Variants in SPTBN1 observed in about 807,000 individuals in gnomAD.
The protein encoded by SPTBN1 is spectrin beta chain, non-erythrocytic 1.
In SPTBN1, 32 loss-of-function variants were observed where a neutral mutation model predicts 266.4. The ratio of observed to expected loss-of-function variants is 0.12; its 90% confidence interval spans 0.09 to 0.16. SPTBN1 has a LOEUF of 0.16. Ranked by LOEUF, SPTBN1 falls within the 10% of genes least tolerant of loss-of-function variation. The pLI is 1.00. For synonymous variants in SPTBN1, 1,336 were observed against 1,162.2 expected, an observed-to-expected ratio of 1.15 and a Z score of -3.04; for missense variants, 2,296 against 3,067.1, an observed-to-expected ratio of 0.75 and a Z score of 5.94.
At chr2:54,507,156 A>G (rs1435207071) in intron 1 of SPTBN1, among the ~76,000 whole-genome samples, 1 of 152,154 alleles carries the variant, frequency 6.6e-6, no homozygotes, top group Non-Finnish European at 1.5e-5. Flanking sequence ...TGGGGCAGGA[A>G]CAAATCACAA....
Position 54,646,279 on chromosome 2 carries a change from G to A in SPTBN1, c.4670G>A (p.Ser1557Asn), listed in dbSNP as rs760913468. The A allele has an allele frequency of 1.9e-6, 3 of 1,614,186 alleles. No homozygotes were observed. In the East Asian group the frequency reaches 6.7e-5, roughly 36 times the overall value. Residue 1557 changes from serine to asparagine, a missense_variant, in exon 23 of 36, where the codon AGC becomes AAC. This residue lies in a region of SPTBN1 where 644 missense variants were observed against 745.3 expected (regional missense o/e 0.86). Transcript: ENST00000356805. The surrounding 1 kb of genome is among the most constrained non-coding windows in gnomAD (Gnocchi z 4.4). The part of the protein sequence containing the change: ...RSQNIVTDSS[S>N]LSAEAIRQRL... ...CAAAACATCGTCACTGACAGCAGCA[G>A]CCTCAGCGCTGAGGCCATCAGACAG...
chr2:54,491,317 G>A (rs923584223), intron 1 of SPTBN1, among the ~76,000 whole-genome samples: 1 of 152,086 alleles, frequency 6.6e-6, no homozygotes, highest in Non-Finnish European at 1.5e-5. Flanking sequence ...AGGATTGAAG[G>A]TCACATTTTC....
chr2:54,484,388 A>G (rs41426349), intron 1 of SPTBN1, among the ~76,000 whole-genome samples: 20,084 of 152,146 alleles, frequency 0.13, 1,462 homozygotes, highest in Middle Eastern at 0.22. Flanking sequence ...TTGTCAGTAA[A>G]TTTTAGACTT....
chr2:54,587,248 T>C (rs1427841820), intron 2 of SPTBN1, among the ~76,000 whole-genome samples: 2 of 152,362 alleles, frequency 1.3e-5, no homozygotes, highest in East Asian at 1.9e-4. Flanking sequence ...GGTGAATTTG[T>C]GTGCCACATG....
At chr2:54,594,231 T>C (rs946861034) in intron 2 of SPTBN1, among the ~76,000 whole-genome samples, 2 of 133,682 alleles carry the variant, frequency 1.5e-5, no homozygotes, top group African/African-American at 3.6e-5. Context: ...TCCTGCCTCA[T>C]GGGGCAGTTG....
At chr2:54,477,305 A>G (rs1667883497) in intron 1 of SPTBN1, among the ~76,000 whole-genome samples, 1 of 152,176 alleles carries the variant, frequency 6.6e-6, no homozygotes, top group South Asian at 2.1e-4. Context: ...AAGAAGGAGC[A>G]GCCTCCCCAA....
At chr2:54,486,769 A>G (rs927599338) in intron 1 of SPTBN1, among the ~76,000 whole-genome samples, 5 of 152,162 alleles carry the variant, frequency 3.3e-5, no homozygotes, top group Non-Finnish European at 7.4e-5. Flanking sequence ...AGTTCTAACC[A>G]TAGAAGAAGC....
chr2:54,519,418 G>A (rs549448227), intron 1 of SPTBN1, among the ~76,000 whole-genome samples: 114 of 152,306 alleles, frequency 7.5e-4, no homozygotes, highest in Non-Finnish European at 1.4e-3. Context: ...CAGACCAGGT[G>A]GTGGTGGTGG....
intron 2 of SPTBN1, among the ~76,000 whole-genome samples, chr2:54,562,200 T>A (rs959262988): frequency 2.0e-5 from 3 of 152,018 alleles, no homozygotes; most frequent in African/African-American, 7.3e-5. Flanking sequence ...GTAACAGAGG[T>A]GCAGGTTCAT....
intron 2 of SPTBN1, among the ~76,000 whole-genome samples, chr2:54,563,766 G>A (rs926066125): frequency 6.6e-6 from 1 of 151,730 alleles, no homozygotes; most frequent in Non-Finnish European, 1.5e-5. Flanking sequence ...ACCACGCCCG[G>A]CTAATTTTTG....
At position 54,617,623 on chromosome 2, in the gene SPTBN1, C is replaced by T. The variant is rs755354534; in HGVS notation, c.582C>T (p.Asn194=). 3.1e-6 allele frequency: 5 copies of T among 1,613,986 alleles called. No homozygotes were observed. The highest frequency in any genetic ancestry group is 4.2e-6 in the Non-Finnish European group (5 of 1,179,982). ...TCCTTGGCAGGTACCCCAATGTCAA[C>T]ATTCACAATTTCACCACTAGCTGGA... ...QMKTAGYPNV[N]IHNFTTSWRD... Residue 194 remains asparagine (N), a synonymous_variant, in exon 6 of 36, where the codon AAC becomes AAT. Transcript: ENST00000356805.
chr2:54,500,916 A>C (rs111688758), intron 1 of SPTBN1, among the ~76,000 whole-genome samples: 3,005 of 152,310 alleles, frequency 0.02, 108 homozygotes, highest in African/African-American at 0.067. Context: ...CACAGGTGAC[A>C]GTGATGTGCA....
intron 2 of SPTBN1, among the ~76,000 whole-genome samples, chr2:54,570,108 G>GC (rs1299643195): frequency 1.3e-5 from 2 of 152,162 alleles, no homozygotes; most frequent in Admixed American, 6.5e-5. Flanking sequence ...CAGCCAGCGA[G>GC]CATCCAGCAC....
Position 54,668,592 on chromosome 2 carries a change from C to T in SPTBN1, c.*23C>T. On this transcript the variant is annotated 3_prime_UTR_variant, in exon 36 of 36. Coordinates refer to ENST00000356805, the MANE Select transcript of SPTBN1 (RefSeq NM_003128.3). The stretch of plus-strand genomic sequence containing the variant: ...TGAACTCCTTTCCTTCACCTCCTGC[C>T]CTTCTCTTACCTTTTCAGTGAAATT... 1 of 1,573,276 alleles carries T rather than the reference C, an allele frequency of 6.4e-7. No individual in the cohort carries two copies. The highest frequency in any genetic ancestry group is 8.6e-7 in the Non-Finnish European group (1 of 1,157,576).
intron 1 of SPTBN1, among the ~76,000 whole-genome samples, chr2:54,476,427 C>G (rs1667837392): frequency 6.6e-6 from 1 of 152,124 alleles, no homozygotes; most frequent in Non-Finnish European, 1.5e-5. Flanking sequence ...ACCAGTTTTG[C>G]AGTATGTTCA....
At chr2:54,523,353 G>A (rs1558803417) in intron 1 of SPTBN1, among the ~76,000 whole-genome samples, 1 of 152,166 alleles carries the variant, frequency 6.6e-6, no homozygotes. Context: ...CTTCCATTCA[G>A]GATTTTTCTA....
At chr2:54,505,428 A>T (rs1405456692) in intron 1 of SPTBN1, among the ~76,000 whole-genome samples, 1 of 152,186 alleles carries the variant, frequency 6.6e-6, no homozygotes, top group Admixed American at 6.5e-5. Flanking sequence ...AACAACAACA[A>T]ATCGAATACC....
At chr2:54,659,093 C>A (rs1680865087) in intron 30 of SPTBN1, 61 bp from the exon 31 acceptor site, 1 of 1,587,242 alleles carries the variant, frequency 6.3e-7, no homozygotes, top group South Asian at 1.1e-5. Flanking sequence ...GTTCCTAGAA[C>A]CTTTTTCTGA....
intron 1 of SPTBN1, among the ~76,000 whole-genome samples, chr2:54,526,097 G>A (rs1223462935): frequency 6.6e-6 from 1 of 152,186 alleles, no homozygotes; most frequent in Non-Finnish European, 1.5e-5. Flanking sequence ...CACCATTTTG[G>A]GGGTATCCAT....
Sources: allele counts gnomAD v4.1 joint callset (sites outside exome capture counted in the v4.1 genomes callset), GRCh38; gene constraint gnomAD v4.1.1; regional missense constraint gnomAD v4.1.1; non-coding constraint Gnocchi (gnomAD v3.1); transcripts MANE v1.5; gene names NCBI Gene and HGNC (gene_info 2026-07-23, HGNC 2026-07-21).